Variants in ESCO1 observed in about 807,000 individuals in gnomAD.
ESCO1 encodes the protein establishment of sister chromatid cohesion N-acetyltransferase 1, also known as N-acetyltransferase ESCO1.
ESCO1 carries 33 observed loss-of-function variants against 83.5 expected under a neutral mutation model. The observed-to-expected ratio is 0.40, with a 90% CI of 0.30 to 0.53. The LOEUF is 0.53. ESCO1 is among the 20% of genes least tolerant of loss of function. The pLI is 0.63. For missense variants in ESCO1, 855 were observed against 968.0 expected (o/e 0.88, Z 1.55); for synonymous variants, 332 against 324.3 (o/e 1.02, Z -0.25).
chr18:21,583,596 A>G (rs928656900), intron 2 of ESCO1, among the ~76,000 whole-genome samples: 3 of 152,062 alleles, frequency 2.0e-5, no homozygotes, highest in African/African-American at 4.8e-5. Flanking sequence ...GTGAGCCGAG[A>G]TCATGCCACT....
chr18:21,569,319 G>A (rs771952591), intron 4 of ESCO1, among the ~76,000 whole-genome samples: 1 of 152,154 alleles, frequency 6.6e-6, no homozygotes, highest in Admixed American at 6.5e-5. Context: ...TACTTCAGGC[G>A]GGGCGTGGTG....
chr18:21,542,999 A>T (rs2037926253), intron 8 of ESCO1, among the ~76,000 whole-genome samples: 1 of 152,200 alleles, frequency 6.6e-6, no homozygotes. Context: ...TTTAGCTCCA[A>T]CATATTTCAG....
At position 21,548,275 on chromosome 18, in the gene ESCO1, T is replaced by C. The variant is rs145972925; in HGVS notation, c.1954-8266A>G. Among the ~76,000 whole-genome samples, 1,015 of 152,056 alleles carry C rather than the reference T, an allele frequency of 6.7e-3. 6 individuals are homozygous for C. The highest frequency in any genetic ancestry group is 0.011 in the Non-Finnish European group (747 of 67,966). ...TGGGAGGCCAAGGCAGGACAATTGCTTGAGCCCAGGAGTTTGAGACCAGCC... is the reference window on the plus strand; with the variant it reads ...TGGGAGGCCAAGGCAGGACAATTGCCTGAGCCCAGGAGTTTGAGACCAGCC... On this transcript the variant is annotated intron_variant, in intron 8 of 11. Transcript: ENST00000269214.
At chr18:21,597,660 A>T (rs2038785546) in intron 1 of ESCO1, among the ~76,000 whole-genome samples, 1 of 152,174 alleles carries the variant, frequency 6.6e-6, no homozygotes, top group Non-Finnish European at 1.5e-5. Context: ...CATAATTTTT[A>T]AGAGTGTAAG....
At chr18:21,584,142 A>G (rs888096120) in intron 2 of ESCO1, among the ~76,000 whole-genome samples, 168 bp downstream of exon 2, 7 of 152,226 alleles carry the variant, frequency 4.6e-5, no homozygotes, top group Non-Finnish European at 8.8e-5. Flanking sequence ...GAGTAGGAGA[A>G]AAGCTTACTT....
rs761876281 is a variant in ESCO1 at position 21,550,159 on chromosome 18, GTTGA to G, written c.1954-10154_1954-10151del. On this transcript the variant is annotated intron_variant, in intron 8 of 11. Coordinates refer to ENST00000269214, the MANE Select transcript of ESCO1 (RefSeq NM_052911.3). ...CAGTAGCCATTTTTAACCCTAAGATGTTGATTATGTCTGGAAGCATGAGTGAACA... is the reference window on the plus strand; with the variant it reads ...CAGTAGCCATTTTTAACCCTAAGATGTTATGTCTGGAAGCATGAGTGAACA... 2.1e-3 allele frequency among the ~76,000 whole-genome samples: 314 copies of G among 152,240 alleles called. 6 individuals are homozygous for G. The highest frequency in any genetic ancestry group is 7.1e-4 in the Non-Finnish European group (48 of 68,024).
At chr18:21,583,499 C>G (rs1246024482) in intron 2 of ESCO1, among the ~76,000 whole-genome samples, 2 of 151,716 alleles carry the variant, frequency 1.3e-5, no homozygotes, top group Non-Finnish European at 2.9e-5. Flanking sequence ...CAAAAATTAG[C>G]CAGGTGTGGT....
chr18:21,535,764 C>G (rs1461626496), intron 10 of ESCO1, among the ~76,000 whole-genome samples: 1 of 152,248 alleles, frequency 6.6e-6, no homozygotes, highest in Non-Finnish European at 1.5e-5. Context: ...GATCCACCCA[C>G]CTTGGCCTCC....
intron 1 of ESCO1, among the ~76,000 whole-genome samples, chr18:21,591,010 T>C (rs916685977): frequency 2.0e-5 from 3 of 151,828 alleles, no homozygotes; most frequent in Admixed American, 6.6e-5. Context: ...AACTCTCCAG[T>C]AGTGGCTAAA....
intron 1 of ESCO1, among the ~76,000 whole-genome samples, chr18:21,589,506 G>A (rs2038631829): frequency 2.0e-5 from 3 of 151,834 alleles, no homozygotes; most frequent in Non-Finnish European, 2.9e-5. Context: ...CTATCTCAAG[G>A]TACAGTAATT....
intron 8 of ESCO1, among the ~76,000 whole-genome samples, chr18:21,556,204 T>C (rs1343069539): frequency 6.6e-6 from 1 of 152,138 alleles, no homozygotes; most frequent in Non-Finnish European, 1.5e-5. Context: ...CAGTGAGCTA[T>C]AACTGTGCCA....
chr18:21,590,146 T>C (rs1049728616), intron 1 of ESCO1, among the ~76,000 whole-genome samples: 1 of 150,028 alleles, frequency 6.7e-6, no homozygotes, highest in East Asian at 2.0e-4. Flanking sequence ...TCATGTCAGT[T>C]ATTTTCCCTT....
chr18:21,595,262 T>C (rs866835134), intron 1 of ESCO1, among the ~76,000 whole-genome samples: 1 of 149,598 alleles, frequency 6.7e-6, no homozygotes, highest in Admixed American at 6.8e-5. Flanking sequence ...CTTCTAAAAC[T>C]GAACAGTATC....
At chr18:21,572,449 T>A (rs1424589804) in intron 4 of ESCO1, among the ~76,000 whole-genome samples, 1 of 152,132 alleles carries the variant, frequency 6.6e-6, no homozygotes, top group Non-Finnish European at 1.5e-5. Context: ...AAGATTCTGG[T>A]TTTCAGTTTA....
intron 1 of ESCO1, among the ~76,000 whole-genome samples, chr18:21,600,249 C>G (rs1219881507): frequency 4.6e-5 from 7 of 152,258 alleles, no homozygotes; most frequent in Admixed American, 6.5e-5. Context: ...GGCGCTGCCC[C>G]GGTGCTAGCA....
intron 1 of ESCO1, among the ~76,000 whole-genome samples, chr18:21,590,222 TTTTC>T (rs1469695686): frequency 2.7e-5 from 4 of 150,130 alleles, no homozygotes; most frequent in Non-Finnish European, 4.4e-5. Context: ...CATGAACCCT[TTTTC>T]TTTTTTTTTT....
chr18:21,576,589 G>C (rs2038421359), intron 2 of ESCO1, among the ~76,000 whole-genome samples: 1 of 152,154 alleles, frequency 6.6e-6, no homozygotes, highest in African/African-American at 2.4e-5. Context: ...AAATTTAGAA[G>C]TACAGATGCT....
At chr18:21,589,633 G>A (rs1293540119) in intron 1 of ESCO1, among the ~76,000 whole-genome samples, 1 of 152,034 alleles carries the variant, frequency 6.6e-6, no homozygotes. Context: ...AAACACTGGT[G>A]CAAATTCAGA....
chr18:21,549,295 G>A (rs1035119846), intron 8 of ESCO1, among the ~76,000 whole-genome samples: 1 of 152,172 alleles, frequency 6.6e-6, no homozygotes, highest in Non-Finnish European at 1.5e-5. Context: ...TGTTACAACT[G>A]TGAAGCACAA....
Sources: gnomAD v4.1 joint callset for allele counts (sites outside exome capture counted in the v4.1 genomes callset) on GRCh38, gnomAD v4.1.1 for gene constraint, MANE v1.5 for transcripts, NCBI Gene and HGNC (gene_info 2026-07-23, HGNC 2026-07-21) for gene names.